The following ANO4 variants were observed in gnomAD, a reference collection of about 807,000 sequenced individuals.
The protein encoded by ANO4 is anoctamin-4.
In ANO4, 69 loss-of-function variants were observed where a neutral mutation model predicts 141.9. The ratio of observed to expected loss-of-function variants is 0.49; its 90% CI spans 0.40 to 0.59. ANO4 has a LOEUF of 0.59. Ranked by LOEUF, ANO4 falls within the 20% of genes least tolerant of loss-of-function variation. The pLI is 0.00. For synonymous variants in ANO4, 350 were observed against 394.3 expected (o/e 0.89, Z 1.33); for missense variants, 894 against 1,162.2 (o/e 0.77, Z 3.36).
At chr12:100,894,836 G>T (rs1322829343) in intron 1 of ANO4, among the ~76,000 whole-genome samples, 1 of 151,612 alleles carries the variant, frequency 6.6e-6, no homozygotes, top group African/African-American at 2.4e-5. Context: ...CGTGGTGGCG[G>T]GCGCCTGTAG....
chr12:101,042,503 T>C (rs1184894848), intron 12 of ANO4, 35 bp downstream of exon 12: 2 of 1,613,198 alleles, frequency 1.2e-6, no homozygotes, highest in East Asian at 2.2e-5. Flanking sequence ...TGCCTTTGTT[T>C]AGTACTTAGA....
chr12:100,891,718 C>T (rs1433353931), intron 1 of ANO4, among the ~76,000 whole-genome samples: 1 of 151,970 alleles, frequency 6.6e-6, no homozygotes, highest in Non-Finnish European at 1.5e-5. Context: ...TAAATCAATG[C>T]AATTAATACA....
chr12:100,845,080 G>A (rs985747231), intron 1 of ANO4, among the ~76,000 whole-genome samples: 12 of 152,140 alleles, frequency 7.9e-5, no homozygotes, highest in Non-Finnish European at 1.6e-4. Flanking sequence ...ATTAAGAACC[G>A]GAGAGCAGGA....
At chr12:100,954,166 A>G (rs990234276) in intron 5 of ANO4, among the ~76,000 whole-genome samples, 2 of 152,120 alleles carry the variant, frequency 1.3e-5, no homozygotes, top group African/African-American at 4.8e-5. Context: ...TCTTTCATTC[A>G]GGGTTGTGCG....
chr12:101,002,046 T>A (rs1373694130), intron 8 of ANO4, among the ~76,000 whole-genome samples: 1 of 152,098 alleles, frequency 6.6e-6, no homozygotes, highest in African/African-American at 2.4e-5. Context: ...CTGCCCACCA[T>A]CACCACCAAA....
intron 1 of ANO4, among the ~76,000 whole-genome samples, chr12:100,841,554 A>G (rs1565925943): frequency 6.6e-6 from 1 of 152,250 alleles, no homozygotes; most frequent in Non-Finnish European, 1.5e-5. Flanking sequence ...GCAAGCTACC[A>G]AAACAGAATG....
At chr12:100,866,449 C>A (rs113554996) in intron 1 of ANO4, among the ~76,000 whole-genome samples, 1 of 152,138 alleles carries the variant, frequency 6.6e-6, no homozygotes, top group Non-Finnish European at 1.5e-5. Context: ...TCTGCAGAAT[C>A]TCAGTGCCAC....
In ANO4 at chr12:100,998,701, C is replaced by T. The variant is rs147038372; in HGVS notation, c.734+11031C>T. 1.5e-3 allele frequency among the ~76,000 whole-genome samples: 221 copies of T among 152,250 alleles called. 1 individual carries two copies. Among genetic ancestry groups the T allele is most frequent in the African/African-American group, 5.1e-3 (210 of 41,552 alleles). On this transcript the variant is annotated intron_variant, in intron 8 of 27. Coordinates refer to ENST00000392977, the MANE Select transcript of ANO4 (RefSeq NM_001286615.2). ...CTGCCCATCAGCCATGATTGTATGG[C>T]CACCTAAACATCTGACCCCACAGAA... is the stretch of plus-strand genomic sequence containing the variant.
chr12:100,910,062 T>TA (rs1435982156), intron 2 of ANO4, among the ~76,000 whole-genome samples: 1 of 152,146 alleles, frequency 6.6e-6, no homozygotes, highest in African/African-American at 2.4e-5. Context: ...AATAAAAAAT[T>TA]ATATCGTTTG....
chr12:101,066,622 C>G, intron 14 of ANO4: 1 of 521,738 alleles, frequency 1.9e-6, no homozygotes, highest in South Asian at 2.8e-5. Context: ...TCTAGAGATG[C>G]CCTGCTGGGA....
chr12:101,081,248 G>A (rs146324590), intron 15 of ANO4, among the ~76,000 whole-genome samples: 33 of 151,994 alleles, frequency 2.2e-4, no homozygotes, highest in Non-Finnish European at 4.0e-4. Context: ...CTTCACCTTT[G>A]GACTTTAAAA....
At chr12:100,800,440 G>T (rs183813149) in intron 1 of ANO4, among the ~76,000 whole-genome samples, 37 of 152,340 alleles carry the variant, frequency 2.4e-4, no homozygotes, top group Middle Eastern at 3.4e-3. Context: ...ATTTCTCAAA[G>T]AATCTGGTTG....
intron 1 of ANO4, among the ~76,000 whole-genome samples, chr12:100,809,123 A>G (rs539206242): frequency 5.3e-5 from 8 of 152,316 alleles, no homozygotes; most frequent in African/African-American, 1.9e-4. Context: ...ATATAAGGTA[A>G]TGTGCTTTAC....
chr12:100,953,249 A>G (rs535588980), intron 5 of ANO4, among the ~76,000 whole-genome samples: 17 of 152,224 alleles, frequency 1.1e-4, no homozygotes, highest in Non-Finnish European at 1.2e-4. Context: ...TGCAAAGTAT[A>G]TATCATGAAT....
chr12:100,889,222 A>G (rs1279461812), intron 1 of ANO4, among the ~76,000 whole-genome samples: 1 of 152,000 alleles, frequency 6.6e-6, no homozygotes, highest in Non-Finnish European at 1.5e-5. Flanking sequence ...ATCATTTTTT[A>G]TGGCTGCATA....
chr12:100,863,914 T>C (rs1337453393), intron 1 of ANO4, among the ~76,000 whole-genome samples: 1 of 152,210 alleles, frequency 6.6e-6, no homozygotes, highest in Non-Finnish European at 1.5e-5. Context: ...GTAAGATCTT[T>C]TATTCAAAGT....
At chr12:100,942,059 C>T (rs550497991) in intron 4 of ANO4, among the ~76,000 whole-genome samples, 1 of 151,672 alleles carries the variant, frequency 6.6e-6, no homozygotes, top group East Asian at 1.9e-4. Context: ...GGGCTCACTG[C>T]AACCTCCACC....
intron 3 of ANO4, among the ~76,000 whole-genome samples, chr12:100,923,173 C>T (rs748344669): frequency 6.6e-6 from 1 of 151,978 alleles, no homozygotes; most frequent in African/African-American, 2.4e-5. Flanking sequence ...TTCTAGGGTA[C>T]GTGTGAACAA....
chr12:100,783,554 C>T (rs1222088727), intron 3 of ANO4, among the ~76,000 whole-genome samples: 2 of 152,096 alleles, frequency 1.3e-5, no homozygotes, highest in East Asian at 1.9e-4. Flanking sequence ...AAATCCTTAT[C>T]GGTTATACCA....
Sources: gnomAD v4.1 joint callset for allele counts (sites outside exome capture counted in the v4.1 genomes callset) on GRCh38, gnomAD v4.1.1 for gene constraint, MANE v1.5 for transcripts, NCBI Gene and HGNC (gene_info 2026-07-23, HGNC 2026-07-21) for gene names.